Variants in NDUFA10 observed in about 807,000 individuals in gnomAD.
NDUFA10 encodes NADH dehydrogenase [ubiquinone] 1 alpha subcomplex subunit 10, mitochondrial.
In NDUFA10, 40 loss-of-function variants were observed where a neutral mutation model predicts 47.8. The observed-to-expected ratio is 0.84, with a 90% CI of 0.65 to 1.09. The LOEUF is 1.09. Ranked by LOEUF, NDUFA10 falls within the 50% of genes least tolerant of loss-of-function variation. The probability of loss-of-function intolerance (pLI) is 0.00; values close to 1 mark genes in which losing one functional copy is unlikely to be tolerated. For missense variants in NDUFA10, 413 were observed against 451.1 expected, an observed-to-expected ratio of 0.92 and a Z score of 0.76; for synonymous variants, 183 against 172.2, an observed-to-expected ratio of 1.06 and a Z score of -0.49.
chr2:239,910,306 G>C (rs553619051), intron 4 of NDUFA10, among the ~76,000 whole-genome samples: 2 of 152,134 alleles, frequency 1.3e-5, no homozygotes, highest in Non-Finnish European at 2.9e-5. Context: ...CAAAAACATG[G>C]AATCAACCTA....
At chr2:239,903,382 C>G (rs1693589212) in intron 4 of NDUFA10, among the ~76,000 whole-genome samples, 1 of 152,182 alleles carries the variant, frequency 6.6e-6, no homozygotes, top group African/African-American at 2.4e-5. Flanking sequence ...AGGGCCTTGG[C>G]CACCTCAGCC....
At chr2:239,972,900 G>A (rs181331938) in intron 9 of NDUFA10, among the ~76,000 whole-genome samples, 2 of 152,296 alleles carry the variant, frequency 1.3e-5, no homozygotes, top group Non-Finnish European at 2.9e-5. Context: ...GTAACACACT[G>A]TAAAGTCAGG....
At chr2:240,007,831 G>C (rs188860475) in intron 6 of NDUFA10, among the ~76,000 whole-genome samples, 20 of 151,984 alleles carry the variant, frequency 1.3e-4, no homozygotes, top group Admixed American at 3.9e-4. Flanking sequence ...GGGCCTAACC[G>C]AGCACAGGCA....
Position 239,958,903 on chromosome 2 carries a change from C to T in NDUFA10, c.*2215G>A. 1.0e-6 allele frequency: 1 copy of T among 978,706 alleles called. No individual in the cohort carries two copies. Among genetic ancestry groups the T allele is most frequent in the Non-Finnish European group, 1.2e-6 (1 of 823,820 alleles). 60.6% of individuals were successfully genotyped at this position (978,706 alleles called of 1,614,324 possible). A position where few individuals can be genotyped will look rare whatever the true frequency, so the allele number is the denominator to read the frequency against. On this transcript the variant is annotated 3_prime_UTR_variant, in exon 10 of 10. Transcript: ENST00000252711. ...GCACTGAGAAGTCCAACATGGAATC[C>T]TGGAAAATGCACGATTATTTTGATC...
chr2:240,015,944 C>A (rs78964819), intron 4 of NDUFA10, among the ~76,000 whole-genome samples: 13,380 of 152,240 alleles, frequency 0.088, 694 homozygotes, highest in Admixed American at 0.14. Flanking sequence ...ATCACTGGAG[C>A]CCAGGAGTTC....
chr2:239,952,442 C>T (rs4635555), downstream of NDUFA10, among the ~76,000 whole-genome samples: 999 of 152,284 alleles, frequency 6.6e-3, 16 homozygotes, highest in African/African-American at 0.023. Flanking sequence ...CCCAACTGTG[C>T]GGCTTGAGGC....
At chr2:240,018,322 C>CA in intron 4 of NDUFA10, 1 of 1,301,296 alleles carries the variant, frequency 7.7e-7, no homozygotes, top group Non-Finnish European at 1.1e-6. Context: ...TCCAGGGCTC[C>CA]AATCTGCTTT....
intron 4 of NDUFA10, among the ~76,000 whole-genome samples, chr2:239,898,832 CA>C (rs1693451360): frequency 6.6e-6 from 1 of 152,236 alleles, no homozygotes; most frequent in Admixed American, 6.5e-5. Flanking sequence ...GAAAGCACAG[CA>C]AGCATTTTTC....
intron 6 of NDUFA10, among the ~76,000 whole-genome samples, chr2:240,009,319 C>T (rs1697056318): frequency 1.3e-5 from 2 of 152,220 alleles, no homozygotes; most frequent in South Asian, 4.1e-4. Context: ...TCAGCTAACA[C>T]TGACACTGGG....
intron 9 of NDUFA10, among the ~76,000 whole-genome samples, chr2:239,977,644 T>C (rs1375834513): frequency 1.3e-5 from 2 of 152,230 alleles, no homozygotes; most frequent in Admixed American, 1.3e-4. Flanking sequence ...ACCATGTATA[T>C]TTATAATGTT....
At chr2:240,006,015 G>A (rs757633033) in intron 7 of NDUFA10, among the ~76,000 whole-genome samples, 9 of 152,108 alleles carry the variant, frequency 5.9e-5, no homozygotes, top group Admixed American at 2.6e-4. Context: ...AATGATCTAG[G>A]TGCCCGGCCT....
chr2:239,930,381 T>A (rs1218061674), intron 4 of NDUFA10, among the ~76,000 whole-genome samples: 1 of 151,984 alleles, frequency 6.6e-6, no homozygotes, highest in Non-Finnish European at 1.5e-5. Flanking sequence ...TGCATGCAGA[T>A]CATCTCCCAG....
chr2:239,951,679 A>G (rs187360572), intron 4 of NDUFA10, among the ~76,000 whole-genome samples: 1 of 152,360 alleles, frequency 6.6e-6, no homozygotes, highest in African/African-American at 2.4e-5. Context: ...GGAAGACTCT[A>G]ATGGCAAGTA....
chr2:239,960,715 G>A lies in NDUFA10; in HGVS notation c.*403C>T, dbSNP rs571297353. On this transcript the variant is annotated 3_prime_UTR_variant, in exon 10 of 10. Coordinates refer to ENST00000252711, the MANE Select transcript of NDUFA10 (RefSeq NM_004544.4). ...GTGTGCAGTTTCGACGTGCCCGCAC[G>A]CACATAGACGTACGATGGGGAAATT... 2.1e-5 allele frequency: 24 copies of A among 1,169,394 alleles called. No individual in the cohort carries two copies. Among genetic ancestry groups the A allele is most frequent in the South Asian group, 1.2e-4 (7 of 56,116 alleles). The allele number at this position is 1,169,394 out of a possible 1,614,324, so 72.4% of individuals were successfully genotyped here.
chr2:239,991,106 C>G (rs1222220259), intron 8 of NDUFA10, among the ~76,000 whole-genome samples: 2 of 152,114 alleles, frequency 1.3e-5, no homozygotes, highest in African/African-American at 4.8e-5. Flanking sequence ...CTGAGCAAAC[C>G]CACGGCCTGT....
intron 4 of NDUFA10, among the ~76,000 whole-genome samples, chr2:239,923,002 AG>A (rs1226298370): frequency 6.6e-6 from 1 of 152,238 alleles, no homozygotes; most frequent in Non-Finnish European, 1.5e-5. Flanking sequence ...TTAAAAGAAG[AG>A]AAGTATGAGT....
Position 239,928,171 on chromosome 2 carries a change from A to C in NDUFA10, c.295-32857T>G, listed in dbSNP as rs1048886057. Among the ~76,000 whole-genome samples, 1 of 150,298 alleles carries C rather than the reference A, an allele frequency of 6.7e-6. No individual in the cohort carries two copies. On this transcript the variant is annotated intron_variant, in intron 4 of 5. Transcript: ENST00000419408. The surrounding 1 kb of genome is among the most constrained non-coding windows in gnomAD (Gnocchi z 4.3). Reference sequence around the variant, plus strand: ...GTCTGTACAAAGATTCCAGGACTTTAAAAAAAAAATAACAAAAGAAGAAAA... The same window carrying C: ...GTCTGTACAAAGATTCCAGGACTTTCAAAAAAAAATAACAAAAGAAGAAAA...
intron 9 of NDUFA10, chr2:239,983,390 G>C: frequency 7.1e-7 from 1 of 1,405,388 alleles, no homozygotes; most frequent in Non-Finnish European, 9.5e-7. Context: ...TGGACAAAAG[G>C]AATTCTATGA....
rs776332101 is a variant in NDUFA10, at chr2:240,021,317, A to G, written c.340T>C (p.Leu114=). Residue 114 remains leucine (L), a synonymous_variant, in exon 3 of 10, where the codon TTG becomes CTG. Transcript: ENST00000252711. ...CTCGGATCATCGTAAAATTTCTCCA[A>G]ACTACAGTTGCCATTATAGTCGGTG... ...LATDYNGNCS[L]EKFYDDPRSN... The G allele has an allele frequency of 2.2e-5, 35 of 1,614,008 alleles. No homozygotes were observed. The highest frequency in any genetic ancestry group is 2.8e-5 in the Non-Finnish European group (33 of 1,180,022).
Sources: allele counts gnomAD v4.1 joint callset (sites outside exome capture counted in the v4.1 genomes callset), GRCh38; gene constraint gnomAD v4.1.1; non-coding constraint Gnocchi (gnomAD v3.1); transcripts MANE v1.5; gene names NCBI Gene and HGNC (gene_info 2026-07-23, HGNC 2026-07-21).